CCDC154: variants seen among roughly 807,000 people sequenced by gnomAD.
CCDC154 encodes coiled-coil domain containing 154, also known as coiled-coil domain-containing protein 154.
Under a neutral mutation model 87.5 loss-of-function variants are expected in CCDC154, and 91 were observed. The ratio of observed to expected loss-of-function variants is 1.04; its 90% CI spans 0.88 to 1.24. The LOEUF (loss-of-function observed/expected upper bound fraction) is 1.24. Among genes scored for constraint, CCDC154 ranks in the 50% most tolerant of loss-of-function variants. The pLI, the probability that CCDC154 is intolerant of heterozygous loss-of-function variation, is 0.00. For synonymous variants in CCDC154, 418 were observed against 400.4 expected (o/e 1.04, Z -0.52); for missense variants, 903 against 879.2 (o/e 1.03, Z -0.34).
rs1412673780 is a variant in CCDC154 at position 1,443,515 on chromosome 16, C to T, written c.405G>A (p.Glu135=). The stretch of plus-strand genomic sequence containing the variant: ...TGGGGGAGCCGCTCACCTCCGGCGC[C>T]TCCTTTTCGGGGGCCTGGGCTGCCG... The part of the protein sequence containing the change: ...ARPAAQAPEK[E]APEFSGLQNQ... Residue 135 remains glutamate, a synonymous_variant, in exon 3 of 17, where the codon GAG becomes GAA. Coordinates refer to ENST00000389176, the MANE Select transcript of CCDC154 (RefSeq NM_001143980.3). 3 of 1,473,092 alleles carry T rather than the reference C, an allele frequency of 2.0e-6. No individual in the cohort carries two copies. In the South Asian group the frequency reaches 4.1e-5, roughly 20 times the overall value. 91.3% of individuals were successfully genotyped at this position (1,473,092 alleles called of 1,614,324 possible).
At chr16:1,443,349 G>A in intron 3 of CCDC154, 48 bp from the exon 4 acceptor site, 6 of 1,530,344 alleles carry the variant, frequency 3.9e-6, no homozygotes, top group Non-Finnish European at 5.3e-6. Flanking sequence ...GCCCGGGTCT[G>A]GCACCTGCCC....
At chr16:1,435,058 G>T in intron 15 of CCDC154, 31 bp downstream of exon 15, 1 of 1,539,266 alleles carries the variant, frequency 6.5e-7, no homozygotes, top group Non-Finnish European at 8.8e-7. Context: ...GGTGGGAGCT[G>T]GGCGGTGCCG....
Position 1,443,977 on chromosome 16 carries a change from G to A in CCDC154, c.43C>T (p.Pro15Ser). Residue 15 changes from proline to serine, a missense_variant, in exon 2 of 17, where the codon CCT becomes TCT. Coordinates refer to ENST00000389176, the MANE Select transcript of CCDC154 (RefSeq NM_001143980.3). The part of the protein sequence containing the change: ...ADSGPSGASA[P>S]SQLRAVTLED... Reference sequence around the variant, plus strand: ...AGGGTGACGGCTCTCAGCTGGGAAGGGGCCGATGCCCCTGAGGGTCCACTG... The same window carrying A: ...AGGGTGACGGCTCTCAGCTGGGAAGAGGCCGATGCCCCTGAGGGTCCACTG... 1 of 1,302,400 alleles carries A rather than the reference G, an allele frequency of 7.7e-7. No individual in the cohort carries two copies. Among genetic ancestry groups the A allele is most frequent in the Admixed American group, 2.3e-5 (1 of 43,582 alleles). 80.7% of individuals were successfully genotyped at this position (1,302,400 alleles called of 1,614,324 possible). A position where few individuals can be genotyped will look rare whatever the true frequency, so the allele number is the denominator to read the frequency against.
At position 1,443,815 on chromosome 16, in the gene CCDC154, A is replaced by C. The variant is rs1257479929; in HGVS notation, c.205T>G (p.Trp69Gly). 2.3e-6 allele frequency: 3 copies of C among 1,304,714 alleles called. No individual in the cohort carries two copies. The highest frequency in any genetic ancestry group is 3.0e-6 in the Non-Finnish European group (3 of 989,388). 80.8% of individuals were successfully genotyped at this position (1,304,714 alleles called of 1,614,324 possible). A position where few individuals can be genotyped will look rare whatever the true frequency, so the allele number is the denominator to read the frequency against. ...SVPEQDTAKH[W>G]NQLEQWVVEL... ...GCTCACCACTGCTCCAGCTGGTTCC[A>C]GTGCTTGGCGGTGTCCTGCTCGGGG... Residue 69 changes from tryptophan (W) to glycine (G), a missense_variant, in exon 2 of 17, where the codon TGG becomes GGG. By Grantham distance (184) the Trp-to-Gly change is radical. Coordinates refer to ENST00000389176, the MANE Select transcript of CCDC154 (RefSeq NM_001143980.3).
At chr16:1,440,815 G>A (rs1372113250) in intron 6 of CCDC154, among the ~76,000 whole-genome samples, 1 of 152,042 alleles carries the variant, frequency 6.6e-6, no homozygotes, top group Non-Finnish European at 1.5e-5. Context: ...GCCGGGCGTG[G>A]TGGTGGGCGC....
rs1169759648 is a variant in CCDC154, at chr16:1,442,464, A to G, written c.617T>C (p.Leu206Pro). The G allele has an allele frequency of 3.9e-6, 6 of 1,550,096 alleles. No individual in the cohort carries two copies. The highest frequency in any genetic ancestry group is 1.2e-5 in the South Asian group (1 of 84,032). The change falls in exon 6 of 17, where the codon CTG becomes CCG. Residue 206 changes from leucine (L) to proline (P), a missense_variant. Transcript: ENST00000389176. ...GCTGCTGTCCTCTTGGTTCTTCTGC[A>G]GGGCGCCGCAGGCCACCTCCCGGCC... The part of the protein sequence containing the change: ...EQGREVACGA[L>P]QKNQEDSSRR...
At chr16:1,444,076 C>G (rs1421112122) in intron 1 of CCDC154, 64 bp from the exon 2 acceptor site, 1 of 1,222,696 alleles carries the variant, frequency 8.2e-7, no homozygotes, top group Non-Finnish European at 1.1e-6. Context: ...CTTACGGGAA[C>G]AAGGCCCCAA....
chr16:1,435,011 G>C (rs1163042251), intron 15 of CCDC154, 78 bp downstream of exon 15: 13 of 1,445,524 alleles, frequency 9.0e-6, no homozygotes, highest in African/African-American at 1.4e-5. Context: ...GGCGCCTGCA[G>C]CAGGGCAGGC....
chr16:1,435,025 G>A, intron 15 of CCDC154, 64 bp downstream of exon 15: 1 of 1,488,438 alleles, frequency 6.7e-7, no homozygotes, highest in Non-Finnish European at 9.1e-7. Context: ...GGCAGGCGGG[G>A]AGGCGGCAGG....
intron 6 of CCDC154, among the ~76,000 whole-genome samples, chr16:1,440,500 G>GAAGAGAACAGAA (rs1567258636): frequency 0.023 from 3,322 of 147,082 alleles, 47 homozygotes; most frequent in African/African-American, 0.039. Context: ...ACAGAAAAGA[G>GAAGAGAACAGAA]AAGAGAAGAG....
intron 6 of CCDC154, chr16:1,439,368 C>A: frequency 1.8e-6 from 1 of 557,888 alleles, no homozygotes; most frequent in Non-Finnish European, 3.2e-6. Flanking sequence ...CAGGTGGGGT[C>A]CAGACACACT....
chr16:1,444,258 C>T, intron 1 of CCDC154, 58 bp downstream of exon 1: 1 of 1,292,092 alleles, frequency 7.7e-7, no homozygotes, highest in Non-Finnish European at 1.0e-6. Flanking sequence ...CAGAGCGGTC[C>T]CCACCCTCAC....
chr16:1,435,898 G>A (rs1020003109), intron 14 of CCDC154, 71 bp downstream of exon 14: 25 of 1,316,486 alleles, frequency 1.9e-5, no homozygotes, highest in African/African-American at 8.7e-5. Flanking sequence ...CTGCCTCTCC[G>A]CACGGCTGCC....
intron 11 of CCDC154, among the ~76,000 whole-genome samples, 159 bp from the exon 12 acceptor site, chr16:1,436,970 C>G (rs1158986849): frequency 1.3e-5 from 2 of 152,192 alleles, no homozygotes; most frequent in Non-Finnish European, 2.9e-5. Context: ...GATGGCCTGG[C>G]CGGGCACGCT....
Position 1,436,010 on chromosome 16 carries a change from G to A in CCDC154, c.1564C>T (p.Pro522Ser). The change falls in exon 14 of 17, where the codon CCT becomes TCT. Residue 522 changes from proline (P) to serine (S), a missense_variant. By Grantham distance (74) the Pro-to-Ser change is moderately conservative. Coordinates refer to ENST00000389176, the MANE Select transcript of CCDC154 (RefSeq NM_001143980.3). Reference protein sequence around the residue: ...SSVQLLKEDNPGRKIAEMQGK... With the variant: ...SSVQLLKEDNSGRKIAEMQGK... ...TGCATCTCCGCGATCTTCCGCCCAG[G>A]GTTGTCTTCCTTTAGCAGCTGCACG... 6.5e-7 allele frequency: 1 copy of A among 1,550,350 alleles called. No homozygotes were observed. Among genetic ancestry groups the A allele is most frequent in the Non-Finnish European group, 8.7e-7 (1 of 1,146,894 alleles).
chr16:1,443,601 C>T lies in CCDC154; in HGVS notation c.319G>A (p.Val107Met). The T allele has an allele frequency of 6.9e-7, 1 of 1,444,414 alleles. No individual in the cohort carries two copies. Among genetic ancestry groups the T allele is most frequent in the Non-Finnish European group, 9.1e-7 (1 of 1,093,780 alleles). The allele number at this position is 1,444,414 out of a possible 1,614,324, so 89.5% of individuals were successfully genotyped here. A position where few individuals can be genotyped will look rare whatever the true frequency, so the allele number is the denominator to read the frequency against. Residue 107 changes from valine (V) to methionine (M), a missense_variant, in exon 3 of 17, where the codon GTG (valine) becomes ATG (methionine). By Grantham distance (21) the Val-to-Met change is conservative. Coordinates refer to ENST00000389176, the MANE Select transcript of CCDC154 (RefSeq NM_001143980.3). ...TRSLLRELLQ[V>M]RARVQLQGSE... Reference sequence around the variant, plus strand: ...CCCTGCAGCTGCACGCGGGCCCGCACCTGGAGCAGCTCCCGCAGCAGGCTC... The same window carrying T: ...CCCTGCAGCTGCACGCGGGCCCGCATCTGGAGCAGCTCCCGCAGCAGGCTC...
chr16:1,440,806 C>T (rs1270705397), intron 6 of CCDC154, among the ~76,000 whole-genome samples: 1 of 151,898 alleles, frequency 6.6e-6, no homozygotes, highest in African/African-American at 2.4e-5. Flanking sequence ...AAAAAATTAG[C>T]CGGGCGTGGT....
rs770443727 is a variant in CCDC154 at position 1,442,364 on chromosome 16, G to A, written c.675+42C>T. Reference sequence around the variant, plus strand: ...CCGAGAGGGTTAGGGTCTCCTCCTCGGCCCTCTGGGCGGCCCCCCTGAAGC... The same window carrying A: ...CCGAGAGGGTTAGGGTCTCCTCCTCAGCCCTCTGGGCGGCCCCCCTGAAGC... On this transcript the variant is annotated intron_variant, in intron 6 of 16. Transcript: ENST00000389176. The A allele has an allele frequency of 1.2e-5, 18 of 1,516,148 alleles. No homozygotes were observed. In the African/African-American group the frequency reaches 1.3e-4, roughly 11 times the overall value. 93.9% of individuals were successfully genotyped at this position (1,516,148 alleles called of 1,614,324 possible).
intron 5 of CCDC154, 101 bp from the exon 6 acceptor site, chr16:1,442,630 G>T: frequency 7.7e-7 from 1 of 1,298,018 alleles, no homozygotes; most frequent in Non-Finnish European, 1.0e-6. Context: ...TACGACCCCC[G>T]CCCCCTGCCC....
Sources: allele counts gnomAD v4.1 joint callset (sites outside exome capture counted in the v4.1 genomes callset), GRCh38; gene constraint gnomAD v4.1.1; transcripts MANE v1.5; gene names NCBI Gene and HGNC (gene_info 2026-07-23, HGNC 2026-07-21).